The following DOCK4 variants were observed in gnomAD, a reference collection of about 807,000 sequenced individuals.
The protein encoded by DOCK4 is dedicator of cytokinesis protein 4.
Under a neutral mutation model 268.1 loss-of-function variants are expected in DOCK4, and 97 were observed. The ratio of observed to expected loss-of-function variants is 0.36; its 90% confidence interval spans 0.31 to 0.43. DOCK4 has a LOEUF of 0.43. Among genes scored for constraint, DOCK4 ranks in the 20% least tolerant of loss-of-function variants. The pLI is 1.00. For missense variants in DOCK4, 2,145 were observed against 2,455.7 expected (o/e 0.87, Z 2.67); for synonymous variants, 954 against 887.2 (o/e 1.08, Z -1.34).
In DOCK4 at chr7:111,728,130, CATG is replaced by C. The variant is rs1057321900; in HGVS notation, c.*141_*143del. 208 of 578,948 alleles carry C rather than the reference CATG, an allele frequency of 3.6e-4. No individual in the cohort carries two copies. The African/African-American group carries it at 3.7e-3, about 10-fold the overall frequency. The allele number at this position is 578,948 out of a possible 1,614,324, so 35.9% of individuals were successfully genotyped here. A position where few individuals can be genotyped will look rare whatever the true frequency, so the allele number is the denominator to read the frequency against. ...ATCAGCAACTTTTAATATTGTGCAA[CATG>C]ATATTTAATAAGCAAGTTTTAATTC... On this transcript the variant is annotated 3_prime_UTR_variant, in exon 53 of 53. Coordinates refer to ENST00000428084, the MANE Select transcript of DOCK4 (RefSeq NM_001363540.2).
chr7:112,058,064 C>A (rs1806008598), intron 1 of DOCK4, among the ~76,000 whole-genome samples: 1 of 119,272 alleles, frequency 8.4e-6, no homozygotes, highest in Non-Finnish European at 1.6e-5. Flanking sequence ...AGTAGAGTTT[C>A]ACTAATATAG....
intron 1 of DOCK4, among the ~76,000 whole-genome samples, chr7:112,164,454 T>G (rs1460539120): frequency 6.6e-6 from 1 of 152,190 alleles, no homozygotes. Context: ...ATTTGAAAAC[T>G]GAATTAATAA....
At chr7:111,940,376 C>G (rs907058649) in intron 10 of DOCK4, 134 bp from the exon 11 acceptor site, 167 of 1,151,102 alleles carry the variant, frequency 1.5e-4, no homozygotes, top group Middle Eastern at 4.3e-4. Context: ...TTGGGCGTAA[C>G]AGAAGATATT....
At chr7:111,964,261 T>TA (rs1266370038) in intron 8 of DOCK4, among the ~76,000 whole-genome samples, 2 of 115,646 alleles carry the variant, frequency 1.7e-5, no homozygotes, top group South Asian at 2.6e-4. Flanking sequence ...TACTCTGAGC[T>TA]ACGGGAGGAC....
Position 112,126,642 on chromosome 7 carries a change from T to A in DOCK4, c.37+79460A>T, listed in dbSNP as rs183905261. 1.6e-4 allele frequency among the ~76,000 whole-genome samples: 24 copies of A among 151,582 alleles called. No individual in the cohort carries two copies. In the South Asian group the frequency reaches 4.6e-3, roughly 29 times the overall value. Reference sequence around the variant, plus strand: ...AGGCAACCTACAAAATGGGAGAAAATTTTTGCAACCTACTCATCTGACAAA... The same window carrying A: ...AGGCAACCTACAAAATGGGAGAAAAATTTTGCAACCTACTCATCTGACAAA... On this transcript the variant is annotated intron_variant, in intron 1 of 52. Transcript: ENST00000428084.
intron 1 of DOCK4, among the ~76,000 whole-genome samples, chr7:112,187,273 G>A (rs1819557568): frequency 6.6e-6 from 1 of 152,026 alleles, no homozygotes; most frequent in Admixed American, 6.6e-5. Flanking sequence ...TCTCTTCTGA[G>A]TTAATCTAGG....
At chr7:111,808,906 G>C in intron 29 of DOCK4, 27 bp from the exon 30 acceptor site, 2 of 1,607,226 alleles carry the variant, frequency 1.2e-6, no homozygotes, top group Non-Finnish European at 1.7e-6. Flanking sequence ...AACCAAACCT[G>C]ATACAATGCC....
chr7:111,755,509 C>T lies in DOCK4; in HGVS notation c.4416+6G>A. ...AAAGTGCTTGAGAACAAGCTCTGAT[C>T]CTTACCACTTCACGCTTTTCCACTT... On this transcript the variant is annotated splice_donor_region_variant and intron_variant, in intron 42 of 52. Transcript: ENST00000428084. 1 of 1,613,794 alleles carries T rather than the reference C, an allele frequency of 6.2e-7. No individual in the cohort carries two copies. The highest frequency in any genetic ancestry group is 8.5e-7 in the Non-Finnish European group (1 of 1,179,750).
chr7:112,064,842 C>T (rs1220251208), intron 1 of DOCK4, among the ~76,000 whole-genome samples: 8 of 152,102 alleles, frequency 5.3e-5, no homozygotes, highest in Admixed American at 5.3e-4. Context: ...AATTTGGACA[C>T]ACAAACAGAC....
chr7:112,173,444 G>A (rs1216495395), intron 1 of DOCK4, among the ~76,000 whole-genome samples: 3 of 152,098 alleles, frequency 2.0e-5, no homozygotes, highest in African/African-American at 7.2e-5. Context: ...ACAGGCAGCA[G>A]GCCTTCTTAC....
At chr7:111,819,169 T>G (rs1233456002) in intron 27 of DOCK4, among the ~76,000 whole-genome samples, 2 of 152,212 alleles carry the variant, frequency 1.3e-5, no homozygotes, top group South Asian at 2.1e-4. Context: ...ACCTGAAATT[T>G]CAACTGAAGA....
At chr7:111,935,517 A>C (rs747264455) in intron 12 of DOCK4, 23 bp downstream of exon 12, 1 of 1,608,772 alleles carries the variant, frequency 6.2e-7, no homozygotes, top group Non-Finnish European at 8.5e-7. Flanking sequence ...GTGTAGGGAA[A>C]GTCAGCCAGC....
intron 22 of DOCK4, among the ~76,000 whole-genome samples, chr7:111,863,905 T>C (rs1435208539): frequency 2.0e-5 from 3 of 152,210 alleles, no homozygotes; most frequent in African/African-American, 4.8e-5. Context: ...TAGTCAGTTA[T>C]ATTCATTCCT....
intron 1 of DOCK4, among the ~76,000 whole-genome samples, chr7:112,130,104 G>A (rs370570313): frequency 1.8e-4 from 27 of 152,132 alleles, no homozygotes; most frequent in African/African-American, 5.8e-4. Context: ...AATTTGAGCC[G>A]AGTTTGAATG....
At chr7:111,862,041 C>T (rs1443699210) in intron 23 of DOCK4, among the ~76,000 whole-genome samples, 1 of 152,072 alleles carries the variant, frequency 6.6e-6, no homozygotes, top group Admixed American at 6.5e-5. Flanking sequence ...TGACTCATGC[C>T]TGTAATTCCA....
At chr7:111,795,110 G>T (rs1799800483) in intron 30 of DOCK4, among the ~76,000 whole-genome samples, 1 of 152,086 alleles carries the variant, frequency 6.6e-6, no homozygotes, top group South Asian at 2.1e-4. Context: ...GTTGGGATGG[G>T]GTTGGGGAGT....
Position 111,809,410 on chromosome 7 carries a change from A to G in DOCK4, c.3007-9T>C. The G allele has an allele frequency of 1.3e-6, 2 of 1,543,158 alleles. No homozygotes were observed. The highest frequency in any genetic ancestry group is 2.4e-5 in the South Asian group (2 of 83,952). The stretch of plus-strand genomic sequence containing the variant: ...AAGTAGGAATCCCAGATCTAAAACA[A>G]GAACAAGATATATCAATACTATGGT... On this transcript the variant is annotated splice_polypyrimidine_tract_variant and intron_variant, in intron 28 of 52. Transcript: ENST00000428084.
intron 1 of DOCK4, among the ~76,000 whole-genome samples, chr7:112,045,775 C>T (rs990309045): frequency 3.9e-5 from 6 of 152,084 alleles, no homozygotes; most frequent in Non-Finnish European, 7.4e-5. Context: ...GAGAGCACAC[C>T]ATTTTGTTCA....
At chr7:111,961,599 T>G (rs1586505706) in intron 8 of DOCK4, among the ~76,000 whole-genome samples, 1 of 152,244 alleles carries the variant, frequency 6.6e-6, no homozygotes, top group Non-Finnish European at 1.5e-5. Flanking sequence ...TACAAGGTAT[T>G]TTCTCTCACA....
Sources: gnomAD v4.1 joint callset for allele counts (sites outside exome capture counted in the v4.1 genomes callset) on GRCh38, gnomAD v4.1.1 for gene constraint, MANE v1.5 for transcripts, NCBI Gene and HGNC (gene_info 2026-07-23, HGNC 2026-07-21) for gene names.